The following SYT10 variants were observed in gnomAD, a reference collection of about 807,000 sequenced individuals.
SYT10 encodes the protein synaptotagmin 10, also known as synaptotagmin-10.
SYT10 carries 31 observed loss-of-function variants against 51.1 expected under a neutral mutation model. That is an observed-to-expected ratio of 0.61 (90% CI 0.46 to 0.82). The LOEUF is 0.82. SYT10 is among the 40% of genes least tolerant of loss of function. The pLI, the probability that SYT10 is intolerant of heterozygous loss-of-function variation, is 0.00. For missense variants in SYT10, 603 were observed against 634.0 expected (o/e 0.95, Z 0.53); for synonymous variants, 233 against 225.9 (o/e 1.03, Z -0.28).
chr12:33,424,135 G>T, intron 2 of SYT10: 2 of 341,724 alleles, frequency 5.9e-6, no homozygotes, highest in South Asian at 2.3e-5. Flanking sequence ...TAACTTTTAT[G>T]ATTTTAAGGT....
intron 3 of SYT10, among the ~76,000 whole-genome samples, chr12:33,403,707 A>G (rs1014440533): frequency 2.6e-5 from 4 of 152,310 alleles, no homozygotes; most frequent in Non-Finnish European, 5.9e-5. Context: ...AGAAGACTCA[A>G]TAATTTCTGC....
chr12:33,392,985 TAAAAAAAAAAAAAAAA>T (rs71068378), intron 3 of SYT10, among the ~76,000 whole-genome samples: 2 of 59,088 alleles, frequency 3.4e-5, no homozygotes, highest in South Asian at 8.4e-4. Context: ...TTTTTGCCAT[TAAAAAAAAAAAAAAAA>T]AAAAAAAAAA....
intron 2 of SYT10, among the ~76,000 whole-genome samples, chr12:33,419,142 T>A (rs1866479054): frequency 6.6e-6 from 1 of 152,210 alleles, no homozygotes; most frequent in African/African-American, 2.4e-5. Context: ...CAGCAAGATC[T>A]GTCCTGGCTA....
chr12:33,390,288 A>C (rs1193652747), intron 3 of SYT10, among the ~76,000 whole-genome samples: 1 of 152,302 alleles, frequency 6.6e-6, no homozygotes. Context: ...GAAGGATCCA[A>C]TCCTCAAGGC....
At chr12:33,404,505 A>G (rs1866334812) in intron 3 of SYT10, among the ~76,000 whole-genome samples, 1 of 151,904 alleles carries the variant, frequency 6.6e-6, no homozygotes, top group Non-Finnish European at 1.5e-5. Context: ...AATTCTCCTG[A>G]TTCAGCCTCC....
At chr12:33,390,120 G>C (rs1866190785) in intron 3 of SYT10, among the ~76,000 whole-genome samples, 2 of 152,216 alleles carry the variant, frequency 1.3e-5, no homozygotes, top group African/African-American at 2.4e-5. Context: ...AGAATGTCTG[G>C]TCAAGCCCTT....
chr12:33,431,776 G>T (rs1866598824), intron 1 of SYT10, among the ~76,000 whole-genome samples: 1 of 152,126 alleles, frequency 6.6e-6, no homozygotes, highest in African/African-American at 2.4e-5. Flanking sequence ...AGAAAATAGT[G>T]AAGCACATCC....
intron 3 of SYT10, among the ~76,000 whole-genome samples, chr12:33,390,961 C>T (rs544377702): frequency 5.9e-5 from 9 of 152,052 alleles, no homozygotes; most frequent in Non-Finnish European, 8.8e-5. Context: ...TTTTTTGAGA[C>T]GGAGTCTCCC....
chr12:33,396,546 A>T (rs1273809517), intron 3 of SYT10, among the ~76,000 whole-genome samples: 1 of 152,186 alleles, frequency 6.6e-6, no homozygotes, highest in Non-Finnish European at 1.5e-5. Context: ...GGAACATAAA[A>T]ATATGTTTTG....
rs753276345 is a variant in SYT10, at chr12:33,379,939, C to T, written c.1393G>A (p.Gly465Arg). The change falls in exon 6 of 7, where the codon GGA (glycine) becomes AGA (arginine). Residue 465 changes from glycine (G) to arginine (R), a missense_variant. Transcript: ENST00000228567. ...GCATCCAGTCCTGTTCTGCACACTC[C>T]TATGACCTCATTGTGTCCTACCCTA... ...YDRVGHNEVI[G>R]VCRTGLDAEG... 1.2e-6 allele frequency: 2 copies of T among 1,613,632 alleles called. No individual in the cohort carries two copies. The highest frequency in any genetic ancestry group is 1.1e-5 in the South Asian group (1 of 91,058).
chr12:33,412,507 C>T (rs1170384219), intron 2 of SYT10, among the ~76,000 whole-genome samples: 8 of 151,734 alleles, frequency 5.3e-5, no homozygotes, highest in Non-Finnish European at 7.4e-5. Context: ...CTGTTACTAA[C>T]GCCATTCTTA....
chr12:33,394,601 T>C (rs1357739603), intron 3 of SYT10, among the ~76,000 whole-genome samples: 2 of 152,238 alleles, frequency 1.3e-5, no homozygotes, highest in African/African-American at 4.8e-5. Context: ...CTAATTTTAC[T>C]TTCAAAATAT....
At chr12:33,418,549 G>T (rs1370236751) in intron 2 of SYT10, among the ~76,000 whole-genome samples, 2 of 152,094 alleles carry the variant, frequency 1.3e-5, no homozygotes, top group African/African-American at 4.8e-5. Context: ...CACAGGTCCG[G>T]ATCTCCTCTT....
intron 2 of SYT10, among the ~76,000 whole-genome samples, chr12:33,420,667 A>ACAG (rs1386678043): frequency 6.6e-6 from 1 of 152,128 alleles, no homozygotes; most frequent in East Asian, 1.9e-4. Flanking sequence ...AACAACAACA[A>ACAG]CAGCAAAAAA....
Position 33,439,399 on chromosome 12 carries a change from T to G in SYT10, c.124A>C (p.Arg42=). The change falls in exon 1 of 7, where the codon AGG becomes CGG. Residue 42 remains arginine, a synonymous_variant. Transcript: ENST00000228567. ...GTGCTGCTTCCGCCCTGGCTGCCCC[T>G]GTCCCGAGGGAAGATGCCCGAGCAC... ...EKCSGIFPRD[R]GSQGGSSTDI... is the part of the protein sequence containing the mutation. 6.2e-7 allele frequency: 1 copy of G among 1,613,978 alleles called. No individual in the cohort carries two copies.
In SYT10 at chr12:33,426,469, C is replaced by T. The variant is rs771869540; in HGVS notation, c.178G>A (p.Val60Ile). The change falls in exon 2 of 7, where the codon GTT becomes ATT. Residue 60 changes from valine (V) to isoleucine (I), a missense_variant. By Grantham distance (29) the Val-to-Ile change is conservative. Transcript: ENST00000228567. ...TDISVSLLAV[V>I]VSFCGLALLV... ...AAGGCCAGTCCACAAAAGCTGACAA[C>T]GACAGCTAACAGGCTGACTGAAATA... 1.9e-5 allele frequency: 31 copies of T among 1,599,528 alleles called. No homozygotes were observed. The highest frequency in any genetic ancestry group is 8.8e-5 in the Admixed American group (5 of 56,640).
chr12:33,411,593 TTACTATA>T (rs1195702938), intron 2 of SYT10, among the ~76,000 whole-genome samples: 4 of 152,164 alleles, frequency 2.6e-5, no homozygotes, highest in African/African-American at 9.7e-5. Context: ...TGAAAAACCG[TTACTATA>T]TAGAGAAACA....
chr12:33,432,133 G>A (rs1362009727), intron 1 of SYT10, among the ~76,000 whole-genome samples: 1 of 151,890 alleles, frequency 6.6e-6, no homozygotes, highest in African/African-American at 2.4e-5. Context: ...TTCTTTAAAA[G>A]TCTAAGTTTT....
intron 4 of SYT10, 73 bp from the exon 5 acceptor site, chr12:33,382,593 T>C: frequency 1.4e-6 from 2 of 1,399,872 alleles, no homozygotes; most frequent in Non-Finnish European, 1.9e-6. Flanking sequence ...CAGTTTATTT[T>C]TACTAAATAA....
Sources: gnomAD v4.1 joint callset for allele counts (sites outside exome capture counted in the v4.1 genomes callset) on GRCh38, gnomAD v4.1.1 for gene constraint, MANE v1.5 for transcripts, NCBI Gene and HGNC (gene_info 2026-07-23, HGNC 2026-07-21) for gene names.